Variants in ACOT11 observed in about 807,000 individuals in gnomAD.
ACOT11 encodes the protein acyl-coenzyme A thioesterase 11.
Under a neutral mutation model 77.5 loss-of-function variants are expected in ACOT11, and 69 were observed. The ratio of observed to expected loss-of-function variants is 0.89; its 90% CI spans 0.73 to 1.09. The LOEUF is 1.09. ACOT11 is among the 50% of genes least tolerant of loss of function. The pLI, the probability that ACOT11 is intolerant of heterozygous loss-of-function variation, is 0.00. For missense variants in ACOT11, 766 were observed against 813.7 expected, an observed-to-expected ratio of 0.94 and a Z score of 0.71; for synonymous variants, 279 against 313.0, an observed-to-expected ratio of 0.89 and a Z score of 1.15.
At chr1:54,602,871 A>G (rs1643981290) in intron 10 of ACOT11, 147 bp downstream of exon 10, 3 of 895,584 alleles carry the variant, frequency 3.3e-6, no homozygotes, top group Non-Finnish European at 4.8e-6. Context: ...GTCTTATTAC[A>G]CAGCGGTCTT....
chr1:54,590,978 G>A (rs1438026022), intron 3 of ACOT11, among the ~76,000 whole-genome samples: 14 of 151,982 alleles, frequency 9.2e-5, no homozygotes, highest in Admixed American at 8.5e-4. Flanking sequence ...GGCTGGTCTC[G>A]AACATATGAG....
At chr1:54,638,079 C>T (rs1164515037) in exon 17 of ACOT11, 5 of 151,920 alleles carry the variant, frequency 3.3e-5, no homozygotes, top group Non-Finnish European at 7.4e-5. Context: ...ACCATGGCAT[C>T]CTAAAGTGCT....
In ACOT11 at chr1:54,554,188, G is replaced by C. The variant is rs1196332582; in HGVS notation, c.33+5846G>C. On this transcript the variant is annotated intron_variant, in intron 1 of 15. Coordinates refer to ENST00000343744, the MANE Select transcript of ACOT11 (RefSeq NM_147161.4). ...GTCACACACAAAAACAAAAACAAAA[G>C]AAAACAAAAAAAAAAACTCCACCAT... Among the ~76,000 whole-genome samples the C allele has an allele frequency of 3.7e-5, 5 of 133,600 alleles. No individual in the cohort carries two copies. The East Asian group carries it at 8.9e-4, about 24-fold the overall frequency. The allele number at this position is 133,600 out of a possible 152,430, so 87.6% of individuals were successfully genotyped here. A position where few individuals can be genotyped will look rare whatever the true frequency, so the allele number is the denominator to read the frequency against.
intron 8 of ACOT11, 162 bp downstream of exon 8, chr1:54,599,577 T>C: frequency 4.4e-6 from 4 of 898,918 alleles, no homozygotes; most frequent in Non-Finnish European, 6.0e-6. Context: ...AGCTCTGATT[T>C]TCCCTTCTTG....
At chr1:54,583,741 G>A (rs1654401275) in intron 1 of ACOT11, among the ~76,000 whole-genome samples, 1 of 152,234 alleles carries the variant, frequency 6.6e-6, no homozygotes, top group South Asian at 2.1e-4. Context: ...TGACACCTAA[G>A]TGCCATATAA....
At chr1:54,564,026 A>G (rs1052351043) in intron 1 of ACOT11, among the ~76,000 whole-genome samples, 3 of 151,314 alleles carry the variant, frequency 2.0e-5, no homozygotes, top group African/African-American at 2.4e-5. Flanking sequence ...AGATTGTGCC[A>G]CTGCACTCCA....
At chr1:54,550,339 G>C (rs1032125081) in intron 1 of ACOT11, among the ~76,000 whole-genome samples, 12 of 152,192 alleles carry the variant, frequency 7.9e-5, no homozygotes, top group Non-Finnish European at 1.8e-4. Flanking sequence ...GACACAGGTA[G>C]CCTCCTGTCA....
intron 15 of ACOT11, among the ~76,000 whole-genome samples, chr1:54,624,316 G>A (rs1275523396): frequency 1.4e-5 from 2 of 146,794 alleles, no homozygotes; most frequent in Admixed American, 6.8e-5. Flanking sequence ...TTGTGTGTGT[G>A]AAAGGGTGTC....
At chr1:54,551,855 T>C (rs1251599770) in intron 1 of ACOT11, among the ~76,000 whole-genome samples, 2 of 152,128 alleles carry the variant, frequency 1.3e-5, no homozygotes, top group Admixed American at 6.6e-5. Flanking sequence ...ATTCAAGGAA[T>C]TCTCCTGCCT....
At chr1:54,617,744 T>A (rs1040019816) in intron 15 of ACOT11, among the ~76,000 whole-genome samples, 32 of 114,550 alleles carry the variant, frequency 2.8e-4, no homozygotes, top group East Asian at 8.1e-4. Flanking sequence ...TTTTTTTTTT[T>A]ATGAAGTCTC....
chr1:54,561,993 C>T (rs1653517881), intron 1 of ACOT11, among the ~76,000 whole-genome samples: 1 of 77,454 alleles, frequency 1.3e-5, no homozygotes, highest in East Asian at 3.9e-4. Context: ...GGCGGCCGGG[C>T]AGAGGCGCCC....
At chr1:54,613,002 A>G (rs1026330983), downstream of ACOT11, among the ~76,000 whole-genome samples, 2 of 55,872 alleles carry the variant, frequency 3.6e-5, no homozygotes, top group Non-Finnish European at 6.9e-5. Context: ...TCATATAGAC[A>G]GGAAACTGAC....
At chr1:54,553,023 C>A (rs1653125692) in intron 1 of ACOT11, among the ~76,000 whole-genome samples, 1 of 150,906 alleles carries the variant, frequency 6.6e-6, no homozygotes, top group South Asian at 2.1e-4. Context: ...GATGGGGTTT[C>A]TCCATGTTGG....
At chr1:54,606,471 G>A (rs912887809) in intron 13 of ACOT11, among the ~76,000 whole-genome samples, 5 of 152,162 alleles carry the variant, frequency 3.3e-5, no homozygotes, top group African/African-American at 1.2e-4. Flanking sequence ...GTGGGTGCAC[G>A]TGTTGGTATG....
chr1:54,563,415 CT>C (rs1250332432), intron 1 of ACOT11, among the ~76,000 whole-genome samples: 3 of 152,230 alleles, frequency 2.0e-5, no homozygotes, highest in African/African-American at 7.2e-5. Flanking sequence ...CCTCAGTTCC[CT>C]TTTCTGTGCA....
At chr1:54,572,297 G>T (rs1653953527) in intron 1 of ACOT11, among the ~76,000 whole-genome samples, 1 of 152,030 alleles carries the variant, frequency 6.6e-6, no homozygotes, top group Non-Finnish European at 1.5e-5. Context: ...GCCTGTAGCT[G>T]CTGTGCCCAG....
intron 1 of ACOT11, among the ~76,000 whole-genome samples, chr1:54,572,229 C>G (rs937719467): frequency 3.9e-5 from 6 of 152,038 alleles, no homozygotes; most frequent in African/African-American, 7.2e-5. Flanking sequence ...GTTTCTTCTC[C>G]TTTCCCTCTG....
At chr1:54,575,780 C>T (rs562129834) in intron 1 of ACOT11, among the ~76,000 whole-genome samples, 1 of 152,166 alleles carries the variant, frequency 6.6e-6, no homozygotes, top group Non-Finnish European at 1.5e-5. Context: ...GGATAAGGAG[C>T]ATTACAGAGA....
At chr1:54,581,533 G>A (rs1305025008) in intron 1 of ACOT11, among the ~76,000 whole-genome samples, 1 of 152,190 alleles carries the variant, frequency 6.6e-6, no homozygotes, top group Non-Finnish European at 1.5e-5. Context: ...CTCTGGCTCA[G>A]GAGGAGGGAC....
Sources: gnomAD v4.1 joint callset for allele counts (sites outside exome capture counted in the v4.1 genomes callset) on GRCh38, gnomAD v4.1.1 for gene constraint, MANE v1.5 for transcripts, NCBI Gene and HGNC (gene_info 2026-07-23, HGNC 2026-07-21) for gene names.